SMOC1: variants seen among roughly 807,000 people sequenced by gnomAD.
The protein encoded by SMOC1 is SPARC-related modular calcium-binding protein 1.
SMOC1 carries 22 observed loss-of-function variants against 56.3 expected under a neutral mutation model. The ratio of observed to expected loss-of-function variants is 0.39; its 90% CI spans 0.28 to 0.56. The LOEUF is 0.56. Ranked by LOEUF, SMOC1 falls within the 20% of genes least tolerant of loss-of-function variation. The pLI is 0.61. For missense variants in SMOC1, 509 were observed against 565.4 expected, an observed-to-expected ratio of 0.90 and a Z score of 1.01; for synonymous variants, 193 against 215.0, an observed-to-expected ratio of 0.90 and a Z score of 0.89.
chr14:70,011,431 A>G (rs1885332538), intron 8 of SMOC1, 54 bp from the exon 9 acceptor site: 1 of 1,515,446 alleles, frequency 6.6e-7, no homozygotes, highest in Non-Finnish European at 9.2e-7. Flanking sequence ...TAGTGACTGA[A>G]GTAGGCTCAG....
At chr14:69,922,708 A>G (rs1594803336) in intron 1 of SMOC1, among the ~76,000 whole-genome samples, 1 of 152,046 alleles carries the variant, frequency 6.6e-6, no homozygotes, top group East Asian at 1.9e-4. Flanking sequence ...GTGCCTCGAC[A>G]TTGTATCAGC....
chr14:70,030,307 A>C lies in SMOC1; in HGVS notation c.*49A>C. 1 of 1,610,314 alleles carries C rather than the reference A, an allele frequency of 6.2e-7. No individual in the cohort carries two copies. The highest frequency in any genetic ancestry group is 8.5e-7 in the Non-Finnish European group (1 of 1,178,392). On this transcript the variant is annotated 3_prime_UTR_variant, in exon 12 of 12. Transcript: ENST00000361956. ...TGGAGAGTCCAGGGAGGCAGGATGG[A>C]TCACCAGACACCTAACCTTCAGCGT... is the stretch of plus-strand genomic sequence containing the variant.
At chr14:69,968,273 A>G (rs1359932916) in intron 3 of SMOC1, among the ~76,000 whole-genome samples, 1 of 152,242 alleles carries the variant, frequency 6.6e-6, no homozygotes, top group Non-Finnish European at 1.5e-5. Context: ...AGAACCTGTT[A>G]GAAATGCAAA....
intron 1 of SMOC1, among the ~76,000 whole-genome samples, chr14:69,922,170 C>T (rs1316551654): frequency 6.6e-6 from 1 of 152,208 alleles, no homozygotes; most frequent in African/African-American, 2.4e-5. Flanking sequence ...GCTAGTAATG[C>T]AACCTCTGGA....
chr14:70,025,528 A>G (rs1885892487), intron 11 of SMOC1, among the ~76,000 whole-genome samples: 1 of 152,166 alleles, frequency 6.6e-6, no homozygotes, highest in South Asian at 2.1e-4. Context: ...GGACTCAGCA[A>G]TGAGTCAATG....
In SMOC1 at chr14:70,010,875, C is replaced by T. The variant is rs746972995; in HGVS notation, c.786C>T (p.Cys262=). ...GGGGACTCTATAAGCCAGTGCAATG[C>T]CACCAGTCCACTGGCTACTGCTGGT... ...APGGLYKPVQ[C]HQSTGYCWCV... Residue 262 remains cysteine (C), a synonymous_variant, in exon 8 of 12, where the codon TGC becomes TGT. Coordinates refer to ENST00000361956, the MANE Select transcript of SMOC1 (RefSeq NM_001034852.3). 1.9e-6 allele frequency: 3 copies of T among 1,614,010 alleles called. No homozygotes were observed. Among genetic ancestry groups the T allele is most frequent in the Non-Finnish European group, 2.5e-6 (3 of 1,180,024 alleles).
chr14:70,006,613 C>T lies in SMOC1; in HGVS notation c.665-4141C>T, dbSNP rs148885486. Among the ~76,000 whole-genome samples, 18 of 152,284 alleles carry T rather than the reference C, an allele frequency of 1.2e-4. No homozygotes were observed. The East Asian group carries it at 2.9e-3, about 24-fold the overall frequency. On this transcript the variant is annotated intron_variant, in intron 7 of 11. Transcript: ENST00000361956. ...TCTGCTGCTGTGTAACAGACTGCTCCGAAATGTACTGGCTTACCATAAAAA... is the reference window on the plus strand; with the variant it reads ...TCTGCTGCTGTGTAACAGACTGCTCTGAAATGTACTGGCTTACCATAAAAA...
At chr14:69,921,511 C>T (rs1884842123) in intron 1 of SMOC1, among the ~76,000 whole-genome samples, 1 of 152,192 alleles carries the variant, frequency 6.6e-6, no homozygotes. Context: ...TTGTACATCC[C>T]TGATGTGTCA....
At chr14:69,980,362 A>T (rs1380604185) in intron 5 of SMOC1, among the ~76,000 whole-genome samples, 2 of 152,146 alleles carry the variant, frequency 1.3e-5, no homozygotes, top group Non-Finnish European at 2.9e-5. Flanking sequence ...TCTTTGGTGC[A>T]AAGGTCAGGA....
intron 3 of SMOC1, among the ~76,000 whole-genome samples, chr14:69,957,094 G>C (rs1020458851): frequency 2.0e-5 from 3 of 152,164 alleles, no homozygotes; most frequent in Non-Finnish European, 2.9e-5. Context: ...TCTGTTTTCT[G>C]TTCTGGGTAT....
chr14:69,968,694 T>C (rs1883657603), intron 3 of SMOC1, among the ~76,000 whole-genome samples: 1 of 151,532 alleles, frequency 6.6e-6, no homozygotes, highest in African/African-American at 2.4e-5. Context: ...AGTCTCATAC[T>C]CTCACTGCCA....
At chr14:69,893,364 G>A (rs1397500392) in intron 1 of SMOC1, among the ~76,000 whole-genome samples, 1 of 152,128 alleles carries the variant, frequency 6.6e-6, no homozygotes, top group Non-Finnish European at 1.5e-5. Flanking sequence ...CCTTGTCTCT[G>A]GTGTTGCCAT....
chr14:69,927,444 G>A (rs964669499), intron 1 of SMOC1, among the ~76,000 whole-genome samples: 2 of 152,200 alleles, frequency 1.3e-5, no homozygotes, highest in Non-Finnish European at 2.9e-5. Flanking sequence ...ACTTTGAGGG[G>A]CCAAGGCGGG....
In SMOC1 at chr14:69,973,016, G is replaced by A. The variant is rs527831042; in HGVS notation, c.379-2699G>A. On this transcript the variant is annotated intron_variant, in intron 3 of 11. Transcript: ENST00000361956. ...AGGGCCCTGGGAGTGAGTCAGCGTG[G>A]CCATTCAGCTCCTGGGACATGTTTC... Among the ~76,000 whole-genome samples the A allele has an allele frequency of 3.9e-5, 6 of 152,330 alleles. No homozygotes were observed. In the South Asian group the frequency reaches 1.2e-3, roughly 32 times the overall value.
chr14:69,891,864 A>C (rs1189421066), intron 1 of SMOC1, among the ~76,000 whole-genome samples: 1 of 152,248 alleles, frequency 6.6e-6, no homozygotes, highest in African/African-American at 2.4e-5. Flanking sequence ...TATGACCCGC[A>C]TAAAAATTAT....
intron 1 of SMOC1, among the ~76,000 whole-genome samples, chr14:69,925,596 C>T (rs556371706): frequency 2.6e-5 from 4 of 152,256 alleles, no homozygotes; most frequent in East Asian, 1.9e-4. Flanking sequence ...GTAGAGCCCA[C>T]GGGGCCGGGG....
Position 70,030,515 on chromosome 14 carries a change from C to T in SMOC1, c.*257C>T. The T allele has an allele frequency of 8.7e-6, 2 of 230,888 alleles. No individual in the cohort carries two copies. Among genetic ancestry groups the T allele is most frequent in the South Asian group, 9.3e-5 (1 of 10,778 alleles). The allele number at this position is 230,888 out of a possible 1,614,324, so 14.3% of individuals were successfully genotyped here. A position where few individuals can be genotyped will look rare whatever the true frequency, so the allele number is the denominator to read the frequency against. ...TCTCTCTTATTGTAAGTTTTTGGAT[C>T]TGCTACTGACAACTTTTAGAGGGTT... On this transcript the variant is annotated 3_prime_UTR_variant, in exon 12 of 12. Coordinates refer to ENST00000361956, the MANE Select transcript of SMOC1 (RefSeq NM_001034852.3).
intron 1 of SMOC1, among the ~76,000 whole-genome samples, chr14:69,904,838 C>G (rs1018858664): frequency 2.6e-5 from 4 of 152,164 alleles, no homozygotes; most frequent in African/African-American, 4.8e-5. Flanking sequence ...GGAGATGCCT[C>G]CCATGCAGTG....
At chr14:70,012,902 C>A (rs1457524221) in intron 9 of SMOC1, among the ~76,000 whole-genome samples, 3 of 152,168 alleles carry the variant, frequency 2.0e-5, no homozygotes, top group Non-Finnish European at 4.4e-5. Context: ...AAGGAGGAGG[C>A]TCTTGGATGG....
Sources: gnomAD v4.1 joint callset for allele counts (sites outside exome capture counted in the v4.1 genomes callset) on GRCh38, gnomAD v4.1.1 for gene constraint, MANE v1.5 for transcripts, NCBI Gene and HGNC (gene_info 2026-07-23, HGNC 2026-07-21) for gene names.